The following DTNB variants were observed in gnomAD, a reference collection of about 807,000 sequenced individuals.
DTNB encodes DTN-B.
DTNB carries 63 observed loss-of-function variants against 90.7 expected under a neutral mutation model. The ratio of observed to expected loss-of-function variants is 0.69; its 90% CI spans 0.57 to 0.86. DTNB has a LOEUF of 0.86. Ranked by LOEUF, DTNB falls within the 40% of genes least tolerant of loss-of-function variation. The probability of loss-of-function intolerance (pLI) is 0.00; values close to 1 mark genes in which losing one functional copy is unlikely to be tolerated. For synonymous variants in DTNB, 277 were observed against 286.7 expected, an observed-to-expected ratio of 0.97 and a Z score of 0.34; for missense variants, 744 against 807.1, an observed-to-expected ratio of 0.92 and a Z score of 0.95.
intron 9 of DTNB, among the ~76,000 whole-genome samples, chr2:25,501,129 A>G (rs1036767745): frequency 3.3e-5 from 5 of 152,260 alleles, no homozygotes; most frequent in Non-Finnish European, 7.3e-5. Context: ...TATTGAGACA[A>G]AAAACAAAAC....
At chr2:25,648,821 G>A (rs1181225637) in intron 2 of DTNB, among the ~76,000 whole-genome samples, 1 of 152,036 alleles carries the variant, frequency 6.6e-6, no homozygotes, top group Non-Finnish European at 1.5e-5. Flanking sequence ...TATGACTTAA[G>A]AAAATAATGA....
At chr2:25,409,230 C>T (rs1315017394) in intron 16 of DTNB, among the ~76,000 whole-genome samples, 1 of 149,742 alleles carries the variant, frequency 6.7e-6, no homozygotes, top group Non-Finnish European at 1.5e-5. Flanking sequence ...AACTGGATTT[C>T]ATTCATTCAT....
intron 3 of DTNB, among the ~76,000 whole-genome samples, chr2:25,636,758 T>G (rs911970233): frequency 6.6e-6 from 1 of 152,140 alleles, no homozygotes; most frequent in African/African-American, 2.4e-5. Context: ...TCTTCCTTTT[T>G]TTTCCTATTA....
At chr2:25,403,503 A>C (rs2044292117) in intron 16 of DTNB, among the ~76,000 whole-genome samples, 1 of 152,224 alleles carries the variant, frequency 6.6e-6, no homozygotes, top group Non-Finnish European at 1.5e-5. Context: ...AAAAATACCT[A>C]TACAATGAAT....
chr2:25,484,487 T>C (rs756803195), intron 9 of DTNB, among the ~76,000 whole-genome samples: 2 of 152,214 alleles, frequency 1.3e-5, no homozygotes, highest in African/African-American at 2.4e-5. Flanking sequence ...AGGGGAAATA[T>C]TTCAGGGAGG....
chr2:25,608,330 G>GA (rs1467052353), intron 4 of DTNB, among the ~76,000 whole-genome samples: 2 of 152,080 alleles, frequency 1.3e-5, no homozygotes, highest in African/African-American at 2.4e-5. Context: ...GATCACACCT[G>GA]AAAAAAGGCA....
intron 11 of DTNB, among the ~76,000 whole-genome samples, chr2:25,455,093 A>G (rs750074314): frequency 7.2e-5 from 11 of 152,226 alleles, no homozygotes; most frequent in Admixed American, 1.3e-4. Flanking sequence ...AAGAGGTTGC[A>G]TCAGATACCT....
intron 4 of DTNB, among the ~76,000 whole-genome samples, chr2:25,616,944 AAAAAAAAAGG>A (rs2070844598): frequency 7.3e-6 from 1 of 137,246 alleles, no homozygotes; most frequent in African/African-American, 2.7e-5. Context: ...AAAAAAAAAA[AAAAAAAAAGG>A]AAAAAAAAGA....
intron 10 of DTNB, among the ~76,000 whole-genome samples, chr2:25,462,979 AG>A (rs1224173534): frequency 1.3e-5 from 2 of 152,226 alleles, no homozygotes; most frequent in African/African-American, 4.8e-5. Flanking sequence ...CTGGGATTAC[AG>A]GCGTGAGCCA....
chr2:25,502,989 G>T (rs1217662344), intron 9 of DTNB, among the ~76,000 whole-genome samples: 2 of 140,788 alleles, frequency 1.4e-5, no homozygotes, highest in East Asian at 4.2e-4. Context: ...GGGAGGGCAA[G>T]GCTGCAGTGA....
At chr2:25,433,792 A>T in intron 13 of DTNB, 118 bp downstream of exon 13, 1 of 1,159,762 alleles carries the variant, frequency 8.6e-7, no homozygotes, top group Non-Finnish European at 1.3e-6. Context: ...GCCTAGGTTC[A>T]CTGAGGCAAG....
intron 9 of DTNB, among the ~76,000 whole-genome samples, chr2:25,486,063 A>G (rs1281587894): frequency 6.6e-6 from 1 of 151,886 alleles, no homozygotes; most frequent in Non-Finnish European, 1.5e-5. Flanking sequence ...CGGAGGTTGC[A>G]GTGAGCCAAG....
At chr2:25,567,759 G>C (rs1045038671) in intron 8 of DTNB, among the ~76,000 whole-genome samples, 1 of 152,318 alleles carries the variant, frequency 6.6e-6, no homozygotes, top group South Asian at 2.1e-4. Context: ...GGAGTAACTA[G>C]ATGGGAATCA....
chr2:25,457,516 C>T (rs1227275958), intron 10 of DTNB, among the ~76,000 whole-genome samples: 1 of 152,128 alleles, frequency 6.6e-6, no homozygotes, highest in African/African-American at 2.4e-5. Flanking sequence ...AAAATAAGTC[C>T]TCTCAGTGCT....
chr2:25,531,655 C>G, intron 8 of DTNB, 58 bp from the exon 9 acceptor site: 1 of 1,547,464 alleles, frequency 6.5e-7, no homozygotes, highest in Non-Finnish European at 8.7e-7. Flanking sequence ...AAAGGAACTT[C>G]AAAAAAGAAA....
chr2:25,638,774 A>G (rs1407875904), intron 3 of DTNB, among the ~76,000 whole-genome samples: 1 of 152,230 alleles, frequency 6.6e-6, no homozygotes, highest in African/African-American at 2.4e-5. Context: ...CCATTCTCCC[A>G]TTTAAAGAAC....
chr2:25,414,415 C>T lies in DTNB; in HGVS notation c.1575+5100G>A, dbSNP rs144450500. 5.9e-3 allele frequency among the ~76,000 whole-genome samples: 895 copies of T among 152,236 alleles called. 7 individuals are homozygous for T. The highest frequency in any genetic ancestry group is 0.02 in the African/African-American group (842 of 41,552). The stretch of plus-strand genomic sequence containing the variant: ...GGGACTACAGGTGCACAACCACGCC[C>T]GGCTAATTTTTTGTATTTTTAGTAG... On this transcript the variant is annotated intron_variant, in intron 16 of 20. Coordinates refer to ENST00000406818, the MANE Select transcript of DTNB (RefSeq NM_021907.5).
At chr2:25,444,708 G>A (rs561960518) in intron 12 of DTNB, among the ~76,000 whole-genome samples, 10 of 152,048 alleles carry the variant, frequency 6.6e-5, no homozygotes, top group South Asian at 2.1e-4. Flanking sequence ...GCTACAGGGC[G>A]CACTGCTGGC....
At chr2:25,617,645 C>T (rs977798941) in intron 4 of DTNB, among the ~76,000 whole-genome samples, 2 of 152,134 alleles carry the variant, frequency 1.3e-5, no homozygotes, top group South Asian at 4.1e-4. Context: ...GCAATCCCAG[C>T]ACTTTGGGAG....
Sources: gnomAD v4.1 joint callset for allele counts (sites outside exome capture counted in the v4.1 genomes callset) on GRCh38, gnomAD v4.1.1 for gene constraint, MANE v1.5 for transcripts, NCBI Gene and HGNC (gene_info 2026-07-23, HGNC 2026-07-21) for gene names.